Variants in PPM1B observed in about 807,000 individuals in gnomAD.
PPM1B encodes the protein protein phosphatase, Mg2+/Mn2+ dependent 1B, also known as protein phosphatase 1B.
In PPM1B, 22 loss-of-function variants were observed where a neutral mutation model predicts 43.0. That is an observed-to-expected ratio of 0.51 (90% CI 0.37 to 0.73). The LOEUF (loss-of-function observed/expected upper bound fraction) is 0.73, where lower values mean the gene tolerates loss of function less well. PPM1B is among the 30% of genes least tolerant of loss of function. The pLI is 0.00. For synonymous variants in PPM1B, 217 were observed against 197.9 expected (o/e 1.10, Z -0.81); for missense variants, 632 against 584.2 (o/e 1.08, Z -0.84).
At chr2:44,193,739 C>T (rs559509049) in intron 1 of PPM1B, among the ~76,000 whole-genome samples, 11 of 152,002 alleles carry the variant, frequency 7.2e-5, no homozygotes, top group Admixed American at 6.6e-5. Flanking sequence ...CCACCATGCC[C>T]GGCTAATTTT....
At chr2:44,241,006 ATT>A (rs113990864) in intron 5 of PPM1B, among the ~76,000 whole-genome samples, 35,665 of 133,630 alleles carry the variant, frequency 0.27, 7,551 homozygotes, top group African/African-American at 0.46. Flanking sequence ...CTTTATTTTT[ATT>A]TTTTTTTTTT....
At chr2:44,215,003 C>G (rs1351068790) in intron 3 of PPM1B, among the ~76,000 whole-genome samples, 1 of 152,152 alleles carries the variant, frequency 6.6e-6, no homozygotes, top group African/African-American at 2.4e-5. Flanking sequence ...TTCAGTTTAA[C>G]ATGAGTTAAT....
At chr2:44,189,204 C>T (rs1262788172) in intron 1 of PPM1B, among the ~76,000 whole-genome samples, 4 of 152,000 alleles carry the variant, frequency 2.6e-5, no homozygotes, top group African/African-American at 9.7e-5. Context: ...GCCTCATTAT[C>T]CTTAGCTGTT....
At chr2:44,224,031 C>T (rs536895355) in intron 5 of PPM1B, among the ~76,000 whole-genome samples, 1 of 152,116 alleles carries the variant, frequency 6.6e-6, no homozygotes, top group Admixed American at 6.5e-5. Context: ...TCAATTGTAT[C>T]ACATTTTGTC....
chr2:44,188,176 T>C (rs901324555), intron 1 of PPM1B, among the ~76,000 whole-genome samples: 2 of 152,240 alleles, frequency 1.3e-5, no homozygotes, highest in African/African-American at 2.4e-5. Flanking sequence ...GGGGATGGAT[T>C]GAGGCAGTCA....
chr2:44,217,978 A>G lies in PPM1B; in HGVS notation c.976A>G (p.Lys326Glu). 2 of 1,598,316 alleles carry G rather than the reference A, an allele frequency of 1.3e-6. No individual in the cohort carries two copies. The highest frequency in any genetic ancestry group is 3.3e-4 in the Middle Eastern group (2 of 5,974). ...LESRVEEIMEKSGEEGMPDLA... is the reference protein window; with the variant it reads ...LESRVEEIMEESGEEGMPDLA... ...TAAAAAACCTACAGAGATTATGGAG[A>G]AGTCTGGCGAGGAAGGAATGCCTGA... Residue 326 changes from lysine to glutamate, a missense_variant, in exon 4 of 6, where the codon AAG (lysine) becomes GAG (glutamate). By Grantham distance (56) the Lys-to-Glu change is moderately conservative. Transcript: ENST00000282412.
chr2:44,174,703 C>A (rs542948941), intron 1 of PPM1B, among the ~76,000 whole-genome samples: 1 of 152,310 alleles, frequency 6.6e-6, no homozygotes, highest in South Asian at 2.1e-4. Flanking sequence ...CGCTTTTAAG[C>A]CTGAGAGTAA....
intron 5 of PPM1B, among the ~76,000 whole-genome samples, chr2:44,222,979 C>T (rs1413267895): frequency 1.3e-5 from 2 of 152,048 alleles, no homozygotes; most frequent in Non-Finnish European, 2.9e-5. Context: ...TACAGGCACA[C>T]AGCACCACAC....
chr2:44,195,895 A>T (rs1335121002), intron 1 of PPM1B, among the ~76,000 whole-genome samples: 2 of 152,164 alleles, frequency 1.3e-5, no homozygotes, highest in Admixed American at 6.5e-5. Context: ...TGAAATCCTC[A>T]AACTGGAGAG....
At chr2:44,195,183 C>T (rs1200705830) in intron 1 of PPM1B, among the ~76,000 whole-genome samples, 1 of 150,804 alleles carries the variant, frequency 6.6e-6, no homozygotes, top group Non-Finnish European at 1.5e-5. Flanking sequence ...GTGAGCCACC[C>T]CACCTGGCCT....
chr2:44,171,684 GC>G (rs1204767174), intron 1 of PPM1B, among the ~76,000 whole-genome samples: 1 of 152,058 alleles, frequency 6.6e-6, no homozygotes, highest in Non-Finnish European at 1.5e-5. Context: ...ACAAAAATTA[GC>G]CAGGTGCGGT....
downstream of PPM1B, chr2:44,232,742 A>G (rs1345835268): frequency 1.0e-6 from 1 of 998,386 alleles, no homozygotes; most frequent in Admixed American, 6.0e-5. Context: ...TGTAAGAGTA[A>G]AGAATTGTAT....
At chr2:44,240,138 A>C (rs1670715219) in intron 5 of PPM1B, among the ~76,000 whole-genome samples, 1 of 145,516 alleles carries the variant, frequency 6.9e-6, no homozygotes, top group African/African-American at 2.5e-5. Flanking sequence ...CTCCCAAAGT[A>C]CTGGGAGTAC....
At chr2:44,234,477 C>T (rs1443853863), downstream of PPM1B, 36 of 857,292 alleles carry the variant, frequency 4.2e-5, no homozygotes, top group Non-Finnish European at 4.9e-5. Flanking sequence ...TAAGATCGCG[C>T]CACTGCACTC....
intron 1 of PPM1B, among the ~76,000 whole-genome samples, chr2:44,178,247 G>C (rs1318069975): frequency 6.6e-6 from 1 of 151,640 alleles, no homozygotes; most frequent in Non-Finnish European, 1.5e-5. Flanking sequence ...GTCTTTTTTG[G>C]AAGGACATTT....
At chr2:44,230,284 A>G (rs1670411526) in intron 5 of PPM1B, 129 bp from the exon 6 acceptor site, 1 of 1,491,734 alleles carries the variant, frequency 6.7e-7, no homozygotes, top group Admixed American at 2.4e-5. Flanking sequence ...GATATTTAAT[A>G]AAATGTTCTC....
At chr2:44,209,167 T>A in intron 2 of PPM1B, 43 bp from the exon 3 acceptor site, 1 of 1,466,428 alleles carries the variant, frequency 6.8e-7, no homozygotes, top group Non-Finnish European at 9.2e-7. Context: ...AATAGTTGAT[T>A]GTAGAAATAC....
chr2:44,223,528 G>A (rs548525778), intron 5 of PPM1B, among the ~76,000 whole-genome samples: 1 of 152,156 alleles, frequency 6.6e-6, no homozygotes, highest in African/African-American at 2.4e-5. Context: ...TGAAAATGCA[G>A]GCCGGGCGCG....
chr2:44,230,926 AATT>A lies in PPM1B; in HGVS notation c.*211_*213del. The stretch of plus-strand genomic sequence containing the variant: ...ATTTATAGTACTATGGATTTAATGA[AATT>A]ATATGTCATTTCACATTGTATGCCA... On this transcript the variant is annotated 3_prime_UTR_variant, in exon 6 of 6. Transcript: ENST00000282412. The A allele has an allele frequency of 8.4e-7, 1 of 1,185,246 alleles. No homozygotes were observed. Among genetic ancestry groups the A allele is most frequent in the South Asian group, 3.0e-5 (1 of 33,474 alleles). 73.4% of individuals were successfully genotyped at this position (1,185,246 alleles called of 1,614,324 possible).
Sources: allele counts gnomAD v4.1 joint callset (sites outside exome capture counted in the v4.1 genomes callset), GRCh38; gene constraint gnomAD v4.1.1; transcripts MANE v1.5; gene names NCBI Gene and HGNC (gene_info 2026-07-23, HGNC 2026-07-21).